The following RPS4X variants were observed in gnomAD, a reference collection of about 807,000 sequenced individuals.
The protein encoded by RPS4X is small ribosomal subunit protein eS4, X isoform.
For missense variants in RPS4X, 90 were observed against 219.1 expected (o/e 0.41, Z 3.72); for synonymous variants, 76 against 76.8 (o/e 0.99, Z 0.06).
At position 72,277,146 on chromosome X, in the gene RPS4X, G is replaced by T. The variant is rs1264236388; in HGVS notation, c.3+47C>A. The T allele has an allele frequency of 5.0e-6, 6 of 1,204,881 alleles. No individual in the cohort carries two copies. The South Asian group carries it at 7.1e-5, about 14-fold the overall frequency. Reference sequence around the variant, plus strand: ...ACCTCGGGCAGCCCCGGCCGGGGGAGGATGGAGGCGGATACGTCCTAAGAG... The same window carrying T: ...ACCTCGGGCAGCCCCGGCCGGGGGATGATGGAGGCGGATACGTCCTAAGAG... On this transcript the variant is annotated intron_variant, in intron 1 of 6. Coordinates refer to ENST00000316084, the MANE Select transcript of RPS4X (RefSeq NM_001007.5).
At position 72,272,716 on chromosome X, in the gene RPS4X, A is replaced by G; in HGVS notation, c.747T>C (p.Ala249=). 1 of 1,210,717 alleles carries G rather than the reference A, an allele frequency of 8.3e-7. No homozygotes were observed. Among genetic ancestry groups the G allele is most frequent in the African/African-American group, 1.7e-5 (1 of 57,638 alleles). The stretch of plus-strand genomic sequence containing the variant: ...CCGCCAGTCTTTTGTCTCTCTCTTC[A>G]GCAATGGTGAGGCGGATACCCTTTC... ...PRGKGIRLTI[A]EERDKRLAAK... The change falls in exon 7 of 7, where the codon GCT becomes GCC. Residue 249 remains alanine, a synonymous_variant. Coordinates refer to ENST00000316084, the MANE Select transcript of RPS4X (RefSeq NM_001007.5).
At chrX:72,277,019 C>T (rs2043207673) in intron 1 of RPS4X, among the ~76,000 whole-genome samples, 174 bp downstream of exon 1, 1 of 112,431 alleles carries the variant, frequency 8.9e-6, no homozygotes, top group Non-Finnish European at 1.9e-5. Flanking sequence ...CCTCCCCAAC[C>T]CTAGGCCAGC....
In RPS4X at chrX:72,277,225, C is replaced by G. The variant is rs931763405; in HGVS notation, c.-30G>C. 8.3e-7 allele frequency: 1 copy of G among 1,207,872 alleles called. No individual in the cohort carries two copies. The highest frequency in any genetic ancestry group is 3.0e-5 in the East Asian group (1 of 33,678). On this transcript the variant is annotated 5_prime_UTR_variant, in exon 1 of 7. Transcript: ENST00000316084. ...GCGTTAGGCAAGGAAAGAGGACCTCCGTCTTCCGGTGCGCGTAGAAATTGG... is the reference window on the plus strand; with the variant it reads ...GCGTTAGGCAAGGAAAGAGGACCTCGGTCTTCCGGTGCGCGTAGAAATTGG...
chrX:72,275,540 T>TAC lies in RPS4X; in HGVS notation c.262+3_262+4insGT. ...GCGTCTCCAGAGTATTTAAAACTTC[T>TAC]TACCCATGAATCCAGCAGGGTAGGT... On this transcript the variant is annotated splice_donor_region_variant and intron_variant, in intron 3 of 6. Coordinates refer to ENST00000316084, the MANE Select transcript of RPS4X (RefSeq NM_001007.5). 1.7e-6 allele frequency: 2 copies of TAC among 1,197,632 alleles called. No individual in the cohort carries two copies. Among genetic ancestry groups the TAC allele is most frequent in the Non-Finnish European group, 2.3e-6 (2 of 883,827 alleles).
At chrX:72,274,669 G>A (rs1475650327) in intron 4 of RPS4X, 1 of 241,104 alleles carries the variant, frequency 4.1e-6, no homozygotes, top group South Asian at 5.4e-5. Context: ...TGGAGACATG[G>A]CAAAGGGCTC....
intron 1 of RPS4X, among the ~76,000 whole-genome samples, chrX:72,276,501 G>C (rs2043204721): frequency 8.9e-6 from 1 of 112,179 alleles, no homozygotes; most frequent in African/African-American, 3.2e-5. Context: ...TCAGAACCTT[G>C]CTAAAGTGTT....
Position 72,272,610 on chromosome X carries a change from A to T in RPS4X, c.*61T>A. The T allele has an allele frequency of 1.2e-6, 1 of 831,952 alleles. No homozygotes were observed. The highest frequency in any genetic ancestry group is 1.7e-6 in the Non-Finnish European group (1 of 571,846). 68.6% of individuals were successfully genotyped at this position (831,952 alleles called of 1,213,427 possible). A position where few individuals can be genotyped will look rare whatever the true frequency, so the allele number is the denominator to read the frequency against. ...CAACCCACAAAACCAAAATGCTATTAATCCTGCCACAATATTTTTAATTAC... is the reference window on the plus strand; with the variant it reads ...CAACCCACAAAACCAAAATGCTATTTATCCTGCCACAATATTTTTAATTAC... On this transcript the variant is annotated 3_prime_UTR_variant, in exon 7 of 7. Transcript: ENST00000316084.
Position 72,272,396 on chromosome X carries a change from A to G in RPS4X, c.*275T>C, listed in dbSNP as rs45624642. 7.0e-5 allele frequency: 20 copies of G among 287,115 alleles called. No individual in the cohort carries two copies. Among genetic ancestry groups the G allele is most frequent in the African/African-American group, 4.5e-4 (16 of 35,720 alleles). 23.7% of individuals were successfully genotyped at this position (287,115 alleles called of 1,213,427 possible). ...TTGGCCAAGTCAAGGCGGGGGAGAT[A>G]AATACTCCGGGATTTCTTGGCTCTT... is the stretch of plus-strand genomic sequence containing the variant. On this transcript the variant is annotated 3_prime_UTR_variant, in exon 7 of 7. Transcript: ENST00000316084.
At position 72,272,582 on chromosome X, in the gene RPS4X, AAAC is replaced by A. The variant is rs900311156; in HGVS notation, c.*86_*88del. The A allele has an allele frequency of 3.9e-5, 23 of 585,726 alleles. No individual in the cohort carries two copies. Among genetic ancestry groups the A allele is most frequent in the African/African-American group, 2.3e-4 (10 of 43,017 alleles). 48.3% of individuals were successfully genotyped at this position (585,726 alleles called of 1,213,427 possible). On this transcript the variant is annotated 3_prime_UTR_variant, in exon 7 of 7. Coordinates refer to ENST00000316084, the MANE Select transcript of RPS4X (RefSeq NM_001007.5). ...TAGCAGGAAACTGAATTAAAAAAAA[AAAC>A]AACCCACAAAACCAAAATGCTATTA... is the stretch of plus-strand genomic sequence containing the variant.
At chrX:72,275,752 T>C in intron 2 of RPS4X, 28 bp from the exon 3 acceptor site, 1 of 1,142,846 alleles carries the variant, frequency 8.8e-7, no homozygotes, top group South Asian at 1.9e-5. Context: ...ATAATCACTG[T>C]TGGGATTCAC....
intron 1 of RPS4X, 70 bp from the exon 2 acceptor site, chrX:72,276,304 AACTCT>A: frequency 3.7e-6 from 3 of 812,667 alleles, no homozygotes; most frequent in Non-Finnish European, 5.4e-6. Context: ...TGTGAAACTA[AACTCT>A]TAGTTTAGTT....
In RPS4X at chrX:72,273,790, A is replaced by G. The variant is rs2043190558; in HGVS notation, c.532+11T>C. 8.3e-7 allele frequency: 1 copy of G among 1,200,280 alleles called. No homozygotes were observed. The highest frequency in any genetic ancestry group is 1.1e-6 in the Non-Finnish European group (1 of 887,177). On this transcript the variant is annotated intron_variant, in intron 5 of 6. Coordinates refer to ENST00000316084, the MANE Select transcript of RPS4X (RefSeq NM_001007.5). Reference sequence around the variant, plus strand: ...TAAAGAGGGTGCCCAGGTAGCACAGAGGATGCTTACCAGTGTCGAACTTGA... The same window carrying G: ...TAAAGAGGGTGCCCAGGTAGCACAGGGGATGCTTACCAGTGTCGAACTTGA...
Position 72,273,817 on chromosome X carries a change from G to A in RPS4X, c.516C>T (p.Phe172=), listed in dbSNP as rs1411108534. 1.7e-6 allele frequency: 2 copies of A among 1,209,292 alleles called. No individual in the cohort carries two copies. The highest frequency in any genetic ancestry group is 5.9e-5 in the East Asian group (2 of 33,824). The change falls in exon 5 of 7, where the codon TTC becomes TTT. Residue 172 remains phenylalanine, a synonymous_variant. Transcript: ENST00000316084. ...IDLETGKITD[F]IKFDTGNLCM... ...GATGCTTACCAGTGTCGAACTTGAT[G>A]AAATCAGTAATCTTGCCAGTCTCCA...
intron 1 of RPS4X, 138 bp downstream of exon 1, chrX:72,277,055 C>T: frequency 1.4e-6 from 1 of 736,501 alleles, no homozygotes; most frequent in Admixed American, 3.0e-5. Context: ...TGGAGCCCGT[C>T]CCGGCCTACC....
At position 72,276,140 on chromosome X, in the gene RPS4X, T is replaced by G; in HGVS notation, c.81+17A>C. The G allele has an allele frequency of 8.4e-7, 1 of 1,185,895 alleles. No individual in the cohort carries two copies. Among genetic ancestry groups the G allele is most frequent in the African/African-American group, 1.7e-5 (1 of 57,225 alleles). On this transcript the variant is annotated intron_variant, in intron 2 of 6. Coordinates refer to ENST00000316084, the MANE Select transcript of RPS4X (RefSeq NM_001007.5). ...TTAAAAACAGTGGCCACGGAAATAT[T>G]TATATAAGATACTTACAAACACACC...
At chrX:72,275,415 CAG>C (rs1244120489) in intron 3 of RPS4X, 127 bp downstream of exon 3, 26 of 534,281 alleles carry the variant, frequency 4.9e-5, no homozygotes, top group Non-Finnish European at 7.6e-5. Flanking sequence ...AAGTAAAAAA[CAG>C]AGGGAAGGTC....
In RPS4X at chrX:72,273,458, A is replaced by C. The variant is rs749319036; in HGVS notation, c.533-69T>G. On this transcript the variant is annotated intron_variant, in intron 5 of 6. Coordinates refer to ENST00000316084, the MANE Select transcript of RPS4X (RefSeq NM_001007.5). The stretch of plus-strand genomic sequence containing the variant: ...GACAAGCAGCTCAGAGATGGGTCCA[A>C]ACAAATTTTATTCCTCCTTTCCCCC... 12 of 984,058 alleles carry C rather than the reference A, an allele frequency of 1.2e-5. No homozygotes were observed. In the East Asian group the frequency reaches 3.5e-4, roughly 29 times the overall value. The allele number at this position is 984,058 out of a possible 1,213,427, so 81.1% of individuals were successfully genotyped here.
chrX:72,274,507 A>G, intron 4 of RPS4X: 1 of 334,202 alleles, frequency 3.0e-6, no homozygotes, highest in Non-Finnish European at 5.9e-6. Context: ...TAATCCAAAC[A>G]GCCCTAAACT....
At chrX:72,274,127 G>A (rs2043192140) in intron 4 of RPS4X, 155 bp from the exon 5 acceptor site, 2 of 486,638 alleles carry the variant, frequency 4.1e-6, no homozygotes, top group Non-Finnish European at 7.1e-6. Flanking sequence ...CCCTTCTCTA[G>A]GCTCGTCCTC....
Sources: gnomAD v4.1 joint callset for allele counts (sites outside exome capture counted in the v4.1 genomes callset) on GRCh38, gnomAD v4.1.1 for gene constraint, MANE v1.5 for transcripts, NCBI Gene and HGNC (gene_info 2026-07-23, HGNC 2026-07-21) for gene names.